Variants in CRISPLD2 observed in about 807,000 individuals in gnomAD.
CRISPLD2 encodes the protein cysteine-rich secretory protein LCCL domain-containing 2.
A neutral mutation model predicts 71.1 loss-of-function variants in CRISPLD2; 47 were observed. The observed-to-expected ratio is 0.66, with a 90% CI of 0.52 to 0.84. CRISPLD2 has a LOEUF of 0.84. Ranked by LOEUF, CRISPLD2 falls within the 40% of genes least tolerant of loss-of-function variation. The pLI is 0.00. For synonymous variants in CRISPLD2, 317 were observed against 250.1 expected (o/e 1.27, Z -2.52); for missense variants, 830 against 651.1 (o/e 1.27, Z -2.99).
In CRISPLD2 at chr16:84,868,917, C is replaced by G. The variant is rs1917616456; in HGVS notation, c.914+6C>G. On this transcript the variant is annotated splice_donor_region_variant and intron_variant, in intron 8 of 14. Coordinates refer to ENST00000262424, the MANE Select transcript of CRISPLD2 (RefSeq NM_031476.4). ...AAAGGGTCCACGTGTAACAGGTGAG[C>G]CTGTGCTGGGCTGTCCTGCCACTGT... The G allele has an allele frequency of 1.9e-6, 3 of 1,604,572 alleles. No homozygotes were observed. The highest frequency in any genetic ancestry group is 2.6e-6 in the Non-Finnish European group (3 of 1,175,724).
intron 6 of CRISPLD2, among the ~76,000 whole-genome samples, chr16:84,861,391 G>T (rs759810797): frequency 6.6e-6 from 1 of 152,126 alleles, no homozygotes; most frequent in South Asian, 2.1e-4. Context: ...CCCACAGTAG[G>T]CTGTCTGCAA....
At chr16:84,904,608 A>T (rs111742730) in intron 14 of CRISPLD2, among the ~76,000 whole-genome samples, 2,597 of 145,620 alleles carry the variant, frequency 0.018, 75 homozygotes, top group African/African-American at 0.066. Context: ...AAAAAAATTT[A>T]AAAAAAAAAT....
intron 3 of CRISPLD2, 23 bp from the exon 4 acceptor site, chr16:84,849,362 A>G: frequency 6.2e-7 from 1 of 1,605,894 alleles, no homozygotes; most frequent in East Asian, 2.2e-5. Context: ...GCTGGGACTG[A>G]GTGAGCGGTT....
chr16:84,872,956 G>C (rs1048861317), intron 9 of CRISPLD2, 36 bp from the exon 10 acceptor site: 12 of 1,581,604 alleles, frequency 7.6e-6, no homozygotes, highest in Non-Finnish European at 1.0e-5. Flanking sequence ...CAGAGGTTGA[G>C]AATGTGCCTC....
At chr16:84,848,381 A>G (rs1916974308) in intron 3 of CRISPLD2, among the ~76,000 whole-genome samples, 1 of 151,676 alleles carries the variant, frequency 6.6e-6, no homozygotes, top group African/African-American at 2.4e-5. Flanking sequence ...TTTTCTCTTC[A>G]TCGAAACCAC....
chr16:84,876,168 A>T (rs1025885780), intron 11 of CRISPLD2, among the ~76,000 whole-genome samples: 1 of 152,178 alleles, frequency 6.6e-6, no homozygotes, highest in Admixed American at 6.5e-5. Context: ...AAACATAAGG[A>T]CCACAAAGCC....
At chr16:84,866,088 G>C (rs183896495) in intron 6 of CRISPLD2, among the ~76,000 whole-genome samples, 5 of 152,300 alleles carry the variant, frequency 3.3e-5, no homozygotes, top group African/African-American at 9.6e-5. Flanking sequence ...GTGAGGTGCA[G>C]TTGGGGTCTA....
chr16:84,897,280 C>T (rs905312735), intron 14 of CRISPLD2, among the ~76,000 whole-genome samples: 4 of 128,710 alleles, frequency 3.1e-5, no homozygotes, highest in African/African-American at 8.5e-5. Flanking sequence ...CCCATCTCTA[C>T]TAAAAATACA....
chr16:84,873,070 G>T lies in CRISPLD2; in HGVS notation c.1060G>T (p.Gly354Trp), dbSNP rs747546737. ...KGGLVDITRNGKVPFFVKSER... is the reference protein window; with the variant it reads ...KGGLVDITRNWKVPFFVKSER... ...AGGCCTGGTGGATATCACCAGGAACGGGAAGGTCCCCTTCTTCGTGAAGTC... is the reference window on the plus strand; with the variant it reads ...AGGCCTGGTGGATATCACCAGGAACTGGAAGGTCCCCTTCTTCGTGAAGTC... Residue 354 changes from glycine (G) to tryptophan (W), a missense_variant, in exon 10 of 15, where the codon GGG becomes TGG. Physicochemically the swap from Gly to Trp is radical, Grantham distance 184. Transcript: ENST00000262424. The T allele has an allele frequency of 1.2e-6, 2 of 1,613,904 alleles. No homozygotes were observed. Among genetic ancestry groups the T allele is most frequent in the African/African-American group, 1.3e-5 (1 of 74,874 alleles).
chr16:84,820,667 A>G (rs547177659), intron 1 of CRISPLD2, among the ~76,000 whole-genome samples: 1 of 152,290 alleles, frequency 6.6e-6, no homozygotes, highest in Non-Finnish European at 1.5e-5. Flanking sequence ...TGAGGGTCAG[A>G]GAGGTGAAGT....
At chr16:84,894,152 GA>G (rs1483324997) in intron 14 of CRISPLD2, among the ~76,000 whole-genome samples, 4 of 152,152 alleles carry the variant, frequency 2.6e-5, no homozygotes, top group Admixed American at 2.0e-4. Context: ...ATGCAGAAAT[GA>G]GGCAACATAA....
intron 13 of CRISPLD2, among the ~76,000 whole-genome samples, chr16:84,886,244 C>G (rs1180189878): frequency 6.6e-6 from 1 of 152,148 alleles, no homozygotes; most frequent in Non-Finnish European, 1.5e-5. Context: ...CTGGAACCTG[C>G]TAGATTGTAT....
intron 1 of CRISPLD2, among the ~76,000 whole-genome samples, chr16:84,824,646 G>A (rs773103540): frequency 6.6e-6 from 1 of 152,186 alleles, no homozygotes; most frequent in African/African-American, 2.4e-5. Context: ...TGGTGTCAGT[G>A]CCTGGCTGGG....
intron 12 of CRISPLD2, among the ~76,000 whole-genome samples, chr16:84,878,054 CAAAAAAAA>C (rs60773992): frequency 1.0e-4 from 10 of 97,512 alleles, no homozygotes; most frequent in African/African-American, 2.4e-4. Flanking sequence ...ACTAAAAATA[CAAAAAAAA>C]AAAAAAAAAA....
At chr16:84,867,659 C>T (rs1026292573) in intron 7 of CRISPLD2, among the ~76,000 whole-genome samples, 7 of 152,288 alleles carry the variant, frequency 4.6e-5, no homozygotes, top group African/African-American at 1.2e-4. Context: ...CTTTGCCTTC[C>T]GGGTTCAAGC....
At chr16:84,878,430 G>A (rs1439717916) in intron 12 of CRISPLD2, among the ~76,000 whole-genome samples, 4 of 140,836 alleles carry the variant, frequency 2.8e-5, no homozygotes, top group African/African-American at 6.5e-5. Flanking sequence ...TTATGGCGCC[G>A]TGGCAGGGTG....
At chr16:84,843,937 G>A (rs1916843350) in intron 2 of CRISPLD2, among the ~76,000 whole-genome samples, 1 of 152,240 alleles carries the variant, frequency 6.6e-6, no homozygotes, top group Non-Finnish European at 1.5e-5. Context: ...GAGGCATGCG[G>A]TTGTGTTGGG....
intron 1 of CRISPLD2, among the ~76,000 whole-genome samples, chr16:84,823,842 T>G (rs1597442103): frequency 6.6e-6 from 1 of 152,102 alleles, no homozygotes; most frequent in Admixed American, 6.5e-5. Context: ...AATTATGAAA[T>G]CCCACATTTT....
At chr16:84,894,937 G>A (rs1229227292) in intron 14 of CRISPLD2, among the ~76,000 whole-genome samples, 1 of 151,952 alleles carries the variant, frequency 6.6e-6, no homozygotes, top group Non-Finnish European at 1.5e-5. Context: ...CTGAGAAACA[G>A]AAGATACTAA....
Sources: gnomAD v4.1 joint callset for allele counts (sites outside exome capture counted in the v4.1 genomes callset) on GRCh38, gnomAD v4.1.1 for gene constraint, MANE v1.5 for transcripts, NCBI Gene and HGNC (gene_info 2026-07-23, HGNC 2026-07-21) for gene names.